Variants in CNOT9 observed in about 807,000 individuals in gnomAD.
CNOT9 encodes the protein RCD1 required for cell differentiation1 homolog.
Under a neutral mutation model 37.4 loss-of-function variants are expected in CNOT9, and 8 were observed. The observed-to-expected ratio is 0.21, with a 90% CI of 0.13 to 0.39. The LOEUF (loss-of-function observed/expected upper bound fraction) is 0.39. Among genes scored for constraint, CNOT9 ranks in the 10% least tolerant of loss-of-function variants. The pLI, the probability that CNOT9 is intolerant of heterozygous loss-of-function variation, is 1.00. For synonymous variants in CNOT9, 120 were observed against 137.6 expected (o/e 0.87, Z 0.90); for missense variants, 154 against 365.3 (o/e 0.42, Z 4.71).
intron 1 of CNOT9, among the ~76,000 whole-genome samples, chr2:218,576,861 G>A (rs1694187007): frequency 6.6e-6 from 1 of 152,014 alleles, no homozygotes; most frequent in African/African-American, 2.4e-5. Flanking sequence ...CAGCTACCGG[G>A]GAGGCTGAGG....
chr2:218,569,076 T>A lies in CNOT9; in HGVS notation c.24+98T>A. Reference sequence around the variant, plus strand: ...TCCCGGTGTCGGGTCCCTAGTCTGATTTTTTTCTGCCCTCAATCTCCAAGG... The same window carrying A: ...TCCCGGTGTCGGGTCCCTAGTCTGAATTTTTTCTGCCCTCAATCTCCAAGG... On this transcript the variant is annotated intron_variant, in intron 1 of 7. Coordinates refer to ENST00000273064, the MANE Select transcript of CNOT9 (RefSeq NM_005444.3). 3.7e-6 allele frequency: 5 copies of A among 1,355,720 alleles called. No homozygotes were observed. The South Asian group carries it at 5.0e-5, about 14-fold the overall frequency. 84.0% of individuals were successfully genotyped at this position (1,355,720 alleles called of 1,614,324 possible). A position where few individuals can be genotyped will look rare whatever the true frequency, so the allele number is the denominator to read the frequency against.
chr2:218,582,410 GC>G (rs1203314652), intron 2 of CNOT9, among the ~76,000 whole-genome samples: 1 of 152,172 alleles, frequency 6.6e-6, no homozygotes, highest in Non-Finnish European at 1.5e-5. Context: ...ATCTTCCTAG[GC>G]CGGGCGCAGT....
At chr2:218,580,415 G>T in intron 1 of CNOT9, 146 bp from the exon 2 acceptor site, 1 of 621,060 alleles carries the variant, frequency 1.6e-6, no homozygotes, top group Non-Finnish European at 2.7e-6. Context: ...CTACCAAAGA[G>T]ATTGAATAGT....
At chr2:218,578,610 C>T (rs1318717290) in intron 1 of CNOT9, among the ~76,000 whole-genome samples, 1 of 152,174 alleles carries the variant, frequency 6.6e-6, no homozygotes, top group East Asian at 1.9e-4. Flanking sequence ...GTTAATTCCT[C>T]TGAACATTAG....
At chr2:218,593,543 T>C in intron 7 of CNOT9, 1 of 1,498,068 alleles carries the variant, frequency 6.7e-7, no homozygotes, top group Non-Finnish European at 8.9e-7. Context: ...CAGATTTGAC[T>C]TTCTGCTGGT....
In CNOT9 at chr2:218,574,073, G is replaced by A. The variant is rs192064904; in HGVS notation, c.24+5095G>A. The A allele has an allele frequency of 3.9e-3, 1,671 of 425,368 alleles. 12 individuals carry two copies. Among genetic ancestry groups the A allele is most frequent in the Non-Finnish European group, 6.4e-3 (1,353 of 210,562 alleles). The allele number at this position is 425,368 out of a possible 1,614,324, so 26.3% of individuals were successfully genotyped here. A position where few individuals can be genotyped will look rare whatever the true frequency, so the allele number is the denominator to read the frequency against. On this transcript the variant is annotated intron_variant, in intron 1 of 7. Coordinates refer to ENST00000273064, the MANE Select transcript of CNOT9 (RefSeq NM_005444.3). Reference sequence around the variant, plus strand: ...CAACCTCGACCTTCTGGGTTCAGTCGATTCTCCCACCTCAGCCTCTTGAGT... The same window carrying A: ...CAACCTCGACCTTCTGGGTTCAGTCAATTCTCCCACCTCAGCCTCTTGAGT...
chr2:218,585,220 C>G (rs921638894), intron 4 of CNOT9, among the ~76,000 whole-genome samples: 3 of 117,644 alleles, frequency 2.6e-5, no homozygotes, highest in Non-Finnish European at 5.3e-5. Context: ...ACACCACTGT[C>G]TTTTTTTGTT....
chr2:218,594,058 G>A (rs377183336), intron 7 of CNOT9, 50 bp from the exon 8 acceptor site: 3 of 1,581,820 alleles, frequency 1.9e-6, no homozygotes, highest in African/African-American at 2.7e-5. Flanking sequence ...TCCACAAAAT[G>A]TGGGTTTATT....
chr2:218,579,858 G>T (rs1030309703), intron 1 of CNOT9, among the ~76,000 whole-genome samples: 1 of 150,400 alleles, frequency 6.6e-6, no homozygotes, highest in Admixed American at 6.6e-5. Context: ...TCACTCTGTC[G>T]CCCAAGCTGG....
At chr2:218,582,417 G>A (rs1445543426) in intron 2 of CNOT9, among the ~76,000 whole-genome samples, 5 of 152,328 alleles carry the variant, frequency 3.3e-5, no homozygotes, top group South Asian at 2.1e-4. Flanking sequence ...TAGGCCGGGC[G>A]CAGTGGCTCA....
At chr2:218,579,577 C>A (rs946271917) in intron 1 of CNOT9, among the ~76,000 whole-genome samples, 7 of 152,114 alleles carry the variant, frequency 4.6e-5, no homozygotes, top group Non-Finnish European at 7.4e-5. Context: ...ACCTCCGCCT[C>A]CTGGGTTCAC....
intron 2 of CNOT9, 29 bp downstream of exon 2, chr2:218,580,769 A>G: frequency 1.3e-6 from 2 of 1,586,178 alleles, no homozygotes; most frequent in Non-Finnish European, 1.7e-6. Flanking sequence ...TTGGCAGTTC[A>G]GTTCTTTTCA....
chr2:218,593,730 T>G (rs1182321867), intron 7 of CNOT9: 3 of 1,218,248 alleles, frequency 2.5e-6, no homozygotes, highest in Non-Finnish European at 3.2e-6. Flanking sequence ...TATCATAAGT[T>G]TGATGATATC....
chr2:218,568,945 C>G lies in CNOT9; in HGVS notation c.-10C>G. 1 of 1,608,138 alleles carries G rather than the reference C, an allele frequency of 6.2e-7. No individual in the cohort carries two copies. ...TCCGGCTGTGGAAGAGAGCGGCGGC[C>G]GCTCACAACATGCACAGCCTGGCGA... On this transcript the variant is annotated 5_prime_UTR_variant, in exon 1 of 8. Transcript: ENST00000273064.
intron 1 of CNOT9, among the ~76,000 whole-genome samples, chr2:218,574,967 AAG>A (rs1464464492): frequency 6.6e-6 from 1 of 152,152 alleles, no homozygotes; most frequent in African/African-American, 2.4e-5. Flanking sequence ...TTTTTAAAAA[AAG>A]AGCCTCTTAG....
intron 1 of CNOT9, among the ~76,000 whole-genome samples, chr2:218,570,431 C>T (rs1263047584): frequency 1.3e-5 from 2 of 152,204 alleles, no homozygotes; most frequent in Non-Finnish European, 2.9e-5. Context: ...CTGTTGGTAT[C>T]TCTGCCTCCT....
rs118003183 is a variant in CNOT9 at position 218,595,955 on chromosome 2, A to G, written c.*1679A>G. 2.6e-5 allele frequency: 4 copies of G among 152,366 alleles called. No homozygotes were observed. Among genetic ancestry groups the G allele is most frequent in the East Asian group, 1.9e-4 (1 of 5,184 alleles). The allele number at this position is 152,366 out of a possible 1,614,324, so 9.4% of individuals were successfully genotyped here. ...CAAGATGAAGAGGAGAAGCAGGCCA[A>G]CCCTCAATAATTGCAAGCCTGAAGA... On this transcript the variant is annotated 3_prime_UTR_variant, in exon 8 of 8. Transcript: ENST00000273064.
At chr2:218,582,416 C>T (rs1318502881) in intron 2 of CNOT9, among the ~76,000 whole-genome samples, 1 of 152,172 alleles carries the variant, frequency 6.6e-6, no homozygotes, top group African/African-American at 2.4e-5. Context: ...CTAGGCCGGG[C>T]GCAGTGGCTC....
chr2:218,580,927 A>G, intron 2 of CNOT9, 187 bp downstream of exon 2: 1 of 679,636 alleles, frequency 1.5e-6, no homozygotes, highest in Non-Finnish European at 2.7e-6. Context: ...TACCCAAGAG[A>G]TTCAATTTAG....
Sources: allele counts gnomAD v4.1 joint callset (sites outside exome capture counted in the v4.1 genomes callset), GRCh38; gene constraint gnomAD v4.1.1; transcripts MANE v1.5; gene names NCBI Gene and HGNC (gene_info 2026-07-23, HGNC 2026-07-21).